Variants in ARHGEF6 observed in about 807,000 individuals in gnomAD.
ARHGEF6 encodes rho guanine nucleotide exchange factor 6.
ARHGEF6 carries 9 observed loss-of-function variants against 70.3 expected under a neutral mutation model. The observed-to-expected ratio is 0.13, with a 90% CI of 0.08 to 0.22. ARHGEF6 has a LOEUF of 0.22. ARHGEF6 is among the 10% of genes least tolerant of loss of function. ARHGEF6 has a pLI of 1.00. For missense variants in ARHGEF6, 470 were observed against 563.0 expected, an observed-to-expected ratio of 0.83 and a Z score of 1.67; for synonymous variants, 201 against 207.8, an observed-to-expected ratio of 0.97 and a Z score of 0.28.
At chrX:136,733,464 T>C (rs1230660389) in intron 5 of ARHGEF6, among the ~76,000 whole-genome samples, 3 of 111,351 alleles carry the variant, frequency 2.7e-5, no homozygotes, top group Non-Finnish European at 5.7e-5. Flanking sequence ...ATTTAGACTG[T>C]TTTTGAAGTG....
At position 136,680,837 on chromosome X, in the gene ARHGEF6, T is replaced by C. The variant is rs1475849637; in HGVS notation, c.1598A>G (p.Asn533Ser). 1 of 1,210,232 alleles carries C rather than the reference T, an allele frequency of 8.3e-7. No individual in the cohort carries two copies. The highest frequency in any genetic ancestry group is 1.7e-5 in the African/African-American group (1 of 57,236). The change falls in exon 15 of 22, where the codon AAC becomes AGC. Residue 533 changes from asparagine to serine, a missense_variant. Physicochemically the swap from Asn to Ser is conservative, Grantham distance 46. Transcript: ENST00000250617. The part of the protein sequence containing the change: ...VERIVVHCNN[N>S]QDFQEWLEQL... Reference sequence around the variant, plus strand: ...CTCCAACCATTCCTGGAAGTCCTGGTTGTTGTTACAATGGACCACAATTCT... The same window carrying C: ...CTCCAACCATTCCTGGAAGTCCTGGCTGTTGTTACAATGGACCACAATTCT...
At chrX:136,698,914 A>C (rs984022763) in intron 9 of ARHGEF6, among the ~76,000 whole-genome samples, 4 of 112,248 alleles carry the variant, frequency 3.6e-5, no homozygotes, top group Non-Finnish European at 7.5e-5. Context: ...GGCCAAAGCA[A>C]AATTTTATAA....
intron 5 of ARHGEF6, among the ~76,000 whole-genome samples, chrX:136,732,548 C>T (rs2076946500): frequency 8.9e-6 from 1 of 112,507 alleles, no homozygotes; most frequent in African/African-American, 3.2e-5. Flanking sequence ...GATGGTTCAA[C>T]TTACGATTTT....
At chrX:136,683,356 C>T (rs890675981) in intron 12 of ARHGEF6, among the ~76,000 whole-genome samples, 2 of 107,756 alleles carry the variant, frequency 1.9e-5, no homozygotes, top group African/African-American at 7.3e-5. Context: ...AAAGTAGATA[C>T]ACTTTCTTTT....
At position 136,666,696 on chromosome X, in the gene ARHGEF6, C is replaced by G. The variant is rs1410574792; in HGVS notation, c.*1333G>C. 1.8e-5 allele frequency: 2 copies of G among 111,853 alleles called. No individual in the cohort carries two copies. Among genetic ancestry groups the G allele is most frequent in the Non-Finnish European group, 3.8e-5 (2 of 53,170 alleles). 9.2% of individuals were successfully genotyped at this position (111,853 alleles called of 1,213,427 possible). ...GGGGTGAGTGGCACTGAGCCTTAGGCCAACTTTCAATGGCGCTGAATTTGG... is the reference window on the plus strand; with the variant it reads ...GGGGTGAGTGGCACTGAGCCTTAGGGCAACTTTCAATGGCGCTGAATTTGG... On this transcript the variant is annotated 3_prime_UTR_variant, in exon 22 of 22. Transcript: ENST00000250617.
intron 18 of ARHGEF6, among the ~76,000 whole-genome samples, chrX:136,675,974 C>T (rs2076278715): frequency 9.0e-6 from 1 of 110,565 alleles, no homozygotes; most frequent in African/African-American, 3.3e-5. Context: ...GTGGGGCATG[C>T]CAAAGCTGAA....
intron 9 of ARHGEF6, among the ~76,000 whole-genome samples, chrX:136,702,409 CAT>C (rs1434942089): frequency 2.7e-5 from 3 of 112,174 alleles, no homozygotes; most frequent in African/African-American, 6.5e-5. Context: ...AATCACTTAA[CAT>C]GTGAATTTTC....
chrX:136,772,097 G>A (rs2077367657), intron 2 of ARHGEF6, among the ~76,000 whole-genome samples: 1 of 112,517 alleles, frequency 8.9e-6, no homozygotes, highest in South Asian at 3.6e-4. Context: ...ATGAGAATCA[G>A]TCATTTGCAA....
intron 2 of ARHGEF6, among the ~76,000 whole-genome samples, chrX:136,776,576 A>T (rs1329509215): frequency 8.9e-6 from 1 of 111,842 alleles, no homozygotes; most frequent in African/African-American, 3.3e-5. Flanking sequence ...TGGACCAAGG[A>T]CTTAAATCTA....
intron 19 of ARHGEF6, among the ~76,000 whole-genome samples, chrX:136,673,712 C>T (rs1032302930): frequency 4.5e-5 from 5 of 111,226 alleles, no homozygotes; most frequent in Non-Finnish European, 9.4e-5. Context: ...GTTATCAGAG[C>T]TATGCATGCC....
chrX:136,694,792 A>G (rs1025405165), intron 9 of ARHGEF6, among the ~76,000 whole-genome samples: 8 of 111,932 alleles, frequency 7.1e-5, no homozygotes, highest in African/African-American at 1.3e-4. Context: ...GAAATACCTC[A>G]CCCAGGGGAC....
In ARHGEF6 at chrX:136,713,363, T is replaced by C; in HGVS notation, c.740A>G (p.Gln247Arg). ...LTKNYYTVVLQNILDTEKEYA... is the reference protein window; with the variant it reads ...LTKNYYTVVLRNILDTEKEYA... ...TTCTTTTTCAGTGTCCAGGATGTTC[T>C]GTAACACCTATGGAAAAAAAAGTCA... The change falls in exon 7 of 22, where the codon CAG becomes CGG. Residue 247 changes from glutamine (Q) to arginine (R), a missense_variant. Physicochemically the swap from Gln to Arg is conservative, Grantham distance 43. Transcript: ENST00000250617. The C allele has an allele frequency of 1.8e-5, 22 of 1,190,734 alleles. No homozygotes were observed. The highest frequency in any genetic ancestry group is 2.5e-5 in the Non-Finnish European group (22 of 877,303).
intron 6 of ARHGEF6, among the ~76,000 whole-genome samples, chrX:136,729,426 C>A (rs1479534361): frequency 1.1e-5 from 1 of 95,062 alleles, no homozygotes; most frequent in Non-Finnish European, 2.1e-5. Flanking sequence ...CAAGATCATG[C>A]CACTGCACTC....
intron 2 of ARHGEF6, among the ~76,000 whole-genome samples, chrX:136,776,635 C>G (rs181252220): frequency 8.0e-4 from 89 of 111,116 alleles, no homozygotes; most frequent in South Asian, 3.7e-3. Context: ...AAAAACTCTT[C>G]TAGGTATTGG....
At chrX:136,769,210 G>A (rs191838310) in intron 2 of ARHGEF6, among the ~76,000 whole-genome samples, 24 of 111,006 alleles carry the variant, frequency 2.2e-4, no homozygotes, top group African/African-American at 7.2e-4. Flanking sequence ...TCAGGAATTC[G>A]AGACCAGCCT....
At chrX:136,686,597 TATATATATATATATATATATATATACAC>T (rs1556213877) in intron 11 of ARHGEF6, among the ~76,000 whole-genome samples, 35 of 62,465 alleles carry the variant, frequency 5.6e-4, no homozygotes, top group African/African-American at 3.5e-3. Context: ...TGTGTGTGTA[TATATATATATATATATATATATATACAC>T]ATATATATAT....
At chrX:136,728,538 A>T (rs2076894538) in intron 6 of ARHGEF6, among the ~76,000 whole-genome samples, 1 of 106,841 alleles carries the variant, frequency 9.4e-6, no homozygotes, top group South Asian at 4.5e-4. Context: ...AGTTTACAGG[A>T]TGTGATGATT....
intron 7 of ARHGEF6, among the ~76,000 whole-genome samples, 156 bp downstream of exon 7, chrX:136,713,120 T>A (rs779488068): frequency 2.7e-5 from 3 of 111,611 alleles, no homozygotes; most frequent in African/African-American, 6.5e-5. Context: ...ATATCTTGCA[T>A]AATTTCTGTT....
At chrX:136,720,107 A>G (rs1004394841) in intron 6 of ARHGEF6, among the ~76,000 whole-genome samples, 4 of 112,199 alleles carry the variant, frequency 3.6e-5, no homozygotes, top group African/African-American at 9.7e-5. Context: ...TCCAAAACAC[A>G]GAAGCAGAGA....
Sources: gnomAD v4.1 joint callset for allele counts (sites outside exome capture counted in the v4.1 genomes callset) on GRCh38, gnomAD v4.1.1 for gene constraint, MANE v1.5 for transcripts, NCBI Gene and HGNC (gene_info 2026-07-23, HGNC 2026-07-21) for gene names.